GABRA3: variants seen among roughly 807,000 people sequenced by gnomAD.
GABRA3 encodes gamma-aminobutyric acid type A receptor subunit alpha3.
GABRA3 carries 10 observed loss-of-function variants against 30.1 expected under a neutral mutation model. That is an observed-to-expected ratio of 0.33 (90% CI 0.20 to 0.56). The LOEUF is 0.56. GABRA3 is among the 20% of genes least tolerant of loss of function. GABRA3 has a pLI of 0.89. For synonymous variants in GABRA3, 151 were observed against 146.8 expected, an observed-to-expected ratio of 1.03 and a Z score of -0.21; for missense variants, 233 against 392.0, an observed-to-expected ratio of 0.59 and a Z score of 3.42.
chrX:152,215,517 A>G (rs1422986489), intron 6 of GABRA3, among the ~76,000 whole-genome samples: 2 of 111,276 alleles, frequency 1.8e-5, no homozygotes, highest in Non-Finnish European at 3.8e-5. Flanking sequence ...TGTCTTTTCA[A>G]CATGGTGCTG....
chrX:152,404,560 G>A (rs1279467379), intron 1 of GABRA3, among the ~76,000 whole-genome samples: 1 of 110,165 alleles, frequency 9.1e-6, no homozygotes, highest in Non-Finnish European at 1.9e-5. Context: ...TCCATCACCA[G>A]CAGTGAAAGA....
At chrX:152,331,526 T>C (rs1940166568) in intron 3 of GABRA3, among the ~76,000 whole-genome samples, 1 of 111,803 alleles carries the variant, frequency 8.9e-6, no homozygotes, top group Non-Finnish European at 1.9e-5. Flanking sequence ...CATGAAGGTG[T>C]TTGCCCAGGG....
rs777436213 is a variant in GABRA3 at position 152,345,647 on chromosome X, T to C, written c.196A>G (p.Ile66Val). 8 of 1,207,632 alleles carry C rather than the reference T, an allele frequency of 6.6e-6. No homozygotes were observed. In the Admixed American group the frequency reaches 1.1e-4, roughly 17 times the overall value. ...IPDDSTDNIT[I>V]FTRILDRLLD... ...AGACGATCCAAGATTCTGGTGAAGATAGTGATGTTGTCAGTGCTGTCATCA... is the reference window on the plus strand; with the variant it reads ...AGACGATCCAAGATTCTGGTGAAGACAGTGATGTTGTCAGTGCTGTCATCA... The change falls in exon 3 of 10, where the codon ATC (isoleucine) becomes GTC (valine). Residue 66 changes from isoleucine (I) to valine (V), a missense_variant. Physicochemically the swap from Ile to Val is conservative, Grantham distance 29. Transcript: ENST00000370314.
At chrX:152,383,442 C>T (rs1366488095) in intron 1 of GABRA3, among the ~76,000 whole-genome samples, 2 of 103,662 alleles carry the variant, frequency 1.9e-5, no homozygotes, top group Non-Finnish European at 4.0e-5. Flanking sequence ...AATTACAGGC[C>T]AATATCCCTG....
chrX:152,224,988 G>T (rs1284975115), intron 5 of GABRA3, 143 bp from the exon 6 acceptor site: 4 of 424,653 alleles, frequency 9.4e-6, no homozygotes, highest in African/African-American at 2.5e-5. Context: ...TGAACACAAA[G>T]GATGGATAAA....
intron 9 of GABRA3, among the ~76,000 whole-genome samples, chrX:152,186,210 A>G (rs952186086): frequency 1.9e-5 from 2 of 107,200 alleles, no homozygotes; most frequent in Admixed American, 9.9e-5. Context: ...TTAATTGTTT[A>G]TTTATTTATT....
intron 1 of GABRA3, among the ~76,000 whole-genome samples, chrX:152,368,661 G>A (rs751853090): frequency 1.9e-5 from 2 of 107,421 alleles, no homozygotes; most frequent in Non-Finnish European, 3.8e-5. Flanking sequence ...AACCAGTAGT[G>A]AGATTGCTGA....
At chrX:152,239,667 T>C (rs1461568023) in intron 5 of GABRA3, among the ~76,000 whole-genome samples, 1 of 92,094 alleles carries the variant, frequency 1.1e-5, no homozygotes, top group African/African-American at 4.4e-5. Context: ...GCTTTATGAA[T>C]CTGGGTGCTC....
chrX:152,225,422 A>G (rs868336268), intron 5 of GABRA3, among the ~76,000 whole-genome samples: 1 of 30,654 alleles, frequency 3.3e-5, no homozygotes, highest in Admixed American at 6.1e-4. Context: ...ACACACGCAC[A>G]CACACACACG....
chrX:152,182,554 A>T (rs1205667557), intron 9 of GABRA3, among the ~76,000 whole-genome samples: 4 of 78,841 alleles, frequency 5.1e-5, no homozygotes, highest in Non-Finnish European at 7.0e-5. Flanking sequence ...GTATATATAC[A>T]CTATATATAT....
chrX:152,294,077 C>G (rs1939477178), intron 3 of GABRA3, among the ~76,000 whole-genome samples: 1 of 111,341 alleles, frequency 9.0e-6, no homozygotes, highest in Admixed American at 9.6e-5. Flanking sequence ...TTCATTTCAA[C>G]CTTGGTGAAT....
intron 6 of GABRA3, among the ~76,000 whole-genome samples, chrX:152,222,280 T>C (rs1937856810): frequency 9.3e-6 from 1 of 107,372 alleles, no homozygotes; most frequent in Non-Finnish European, 1.9e-5. Flanking sequence ...ATCCTTCAGT[T>C]CTGCTTTTTT....
At chrX:152,365,661 T>G (rs763105739) in intron 1 of GABRA3, among the ~76,000 whole-genome samples, 2 of 111,046 alleles carry the variant, frequency 1.8e-5, no homozygotes, top group African/African-American at 6.5e-5. Flanking sequence ...ATATAACTGG[T>G]TTTTTTTCCA....
chrX:152,374,760 T>G (rs1484392410), intron 1 of GABRA3, among the ~76,000 whole-genome samples: 1 of 112,112 alleles, frequency 8.9e-6, no homozygotes, highest in Non-Finnish European at 1.9e-5. Context: ...TTTCTTCATT[T>G]TATAGTTTTT....
chrX:152,280,536 G>C (rs1457467048), intron 4 of GABRA3, among the ~76,000 whole-genome samples: 1 of 111,106 alleles, frequency 9.0e-6, no homozygotes, highest in Non-Finnish European at 1.9e-5. Flanking sequence ...CATGGTGTTT[G>C]GATACTAGGA....
chrX:152,250,563 C>G (rs1938535775), intron 5 of GABRA3: 1 of 111,354 alleles, frequency 9.0e-6, no homozygotes, highest in Non-Finnish European at 1.9e-5. Context: ...TTCTATATAT[C>G]CATACCTGAA....
At chrX:152,418,869 T>C (rs958631440) in intron 1 of GABRA3, among the ~76,000 whole-genome samples, 1 of 111,131 alleles carries the variant, frequency 9.0e-6, no homozygotes, top group East Asian at 2.8e-4. Context: ...CTATTCACAA[T>C]AGCAAAGACT....
chrX:152,170,087 C>G (rs1282350060), intron 9 of GABRA3, among the ~76,000 whole-genome samples: 1 of 112,113 alleles, frequency 8.9e-6, no homozygotes, highest in African/African-American at 3.2e-5. Context: ...CCCTGTCTTC[C>G]AGGAGCTCAC....
intron 1 of GABRA3, among the ~76,000 whole-genome samples, chrX:152,439,804 T>C (rs1049645885): frequency 4.5e-5 from 5 of 112,035 alleles, no homozygotes; most frequent in African/African-American, 1.6e-4. Context: ...AAGTAAGTGC[T>C]AATTAGAAGA....
Sources: gnomAD v4.1 joint callset for allele counts (sites outside exome capture counted in the v4.1 genomes callset) on GRCh38, gnomAD v4.1.1 for gene constraint, MANE v1.5 for transcripts, NCBI Gene and HGNC (gene_info 2026-07-23, HGNC 2026-07-21) for gene names.